LYSMD2: variants seen among roughly 807,000 people sequenced by gnomAD.
LYSMD2 encodes lysM and putative peptidoglycan-binding domain-containing protein 2.
Under a neutral mutation model 17.7 loss-of-function variants are expected in LYSMD2, and 6 were observed. That is an observed-to-expected ratio of 0.34 (90% confidence interval 0.19 to 0.67). The LOEUF (loss-of-function observed/expected upper bound fraction) is 0.67. Among genes scored for constraint, LYSMD2 ranks in the 30% least tolerant of loss-of-function variants. LYSMD2 has a pLI of 0.69. For synonymous variants in LYSMD2, 102 were observed against 129.8 expected (o/e 0.79, Z 1.45); for missense variants, 237 against 286.7 (o/e 0.83, Z 1.25).
chr15:51,743,231 C>T (rs2055651895), intron 1 of LYSMD2, among the ~76,000 whole-genome samples: 1 of 152,170 alleles, frequency 6.6e-6, no homozygotes, highest in Admixed American at 6.5e-5. Context: ...CCACCTCAGT[C>T]TTTTGAGTAG....
At chr15:51,737,708 T>C (rs548838696), upstream of LYSMD2, 104 of 987,986 alleles carry the variant, frequency 1.1e-4, no homozygotes, top group African/African-American at 1.5e-3. This position sits in a 1 kb window ranked among gnomAD's most constrained non-coding sequence, Gnocchi z 4.2. Context: ...CCTCTTCCTC[T>C]TCACAGGGGC....
At chr15:51,750,420 G>T (rs1595856988) in intron 1 of LYSMD2, among the ~76,000 whole-genome samples, 1 of 152,106 alleles carries the variant, frequency 6.6e-6, no homozygotes, top group African/African-American at 2.4e-5. Context: ...TTCACATTTT[G>T]CCTAAAATTT....
chr15:51,729,820 C>T (rs1488327623), intron 1 of LYSMD2, among the ~76,000 whole-genome samples: 1 of 152,208 alleles, frequency 6.6e-6, no homozygotes, highest in Non-Finnish European at 1.5e-5. Flanking sequence ...GGCAATTTCA[C>T]TTCATATAAA....
At chr15:51,739,456 A>G (rs1325813354), upstream of LYSMD2, among the ~76,000 whole-genome samples, 2 of 152,248 alleles carry the variant, frequency 1.3e-5, no homozygotes, top group Admixed American at 6.5e-5. Flanking sequence ...TTTGGGTGGT[A>G]TCCAGTGTGT....
chr15:51,730,337 A>G (rs2055568859), intron 1 of LYSMD2, among the ~76,000 whole-genome samples: 1 of 152,182 alleles, frequency 6.6e-6, no homozygotes, highest in Non-Finnish European at 1.5e-5. Flanking sequence ...ATGAAACTCC[A>G]TCTCTACCAA....
chr15:51,751,027 T>C (rs1261855223), intron 1 of LYSMD2, among the ~76,000 whole-genome samples: 2 of 152,192 alleles, frequency 1.3e-5, no homozygotes, highest in Non-Finnish European at 2.9e-5. Context: ...TCACAACACT[T>C]TTTCAAGCTT....
chr15:51,737,871 C>T (rs890233694), upstream of LYSMD2: 256 of 275,536 alleles, frequency 9.3e-4, 1 homozygote, highest in East Asian at 0.016. This position sits in a 1 kb window ranked among gnomAD's most constrained non-coding sequence, Gnocchi z 4.2. Context: ...CAGCTCCCGC[C>T]GCGGCCTGCC....
At chr15:51,745,476 C>G (rs1036112469) in intron 1 of LYSMD2, among the ~76,000 whole-genome samples, 1 of 152,026 alleles carries the variant, frequency 6.6e-6, no homozygotes. Flanking sequence ...AATATATTAA[C>G]AGAATAAAGG....
chr15:51,732,113 G>A (rs910088093), intron 1 of LYSMD2, among the ~76,000 whole-genome samples: 2 of 152,142 alleles, frequency 1.3e-5, no homozygotes, highest in Admixed American at 6.5e-5. Flanking sequence ...GATGAACACT[G>A]AGCACCAGCA....
intron 1 of LYSMD2, among the ~76,000 whole-genome samples, chr15:51,748,716 C>T (rs1225931448): frequency 6.6e-6 from 1 of 152,204 alleles, no homozygotes; most frequent in Non-Finnish European, 1.5e-5. Context: ...CATGTCCACT[C>T]CTAAACTCTT....
chr15:51,748,261 C>CAAAAAAAAAAAAA lies in LYSMD2; in HGVS notation c.-1+2997_-1+3009dup, dbSNP rs10556304. Among the ~76,000 whole-genome samples the CAAAAAAAAAAAAA allele has an allele frequency of 1.1e-3, 67 of 60,224 alleles. 1 individual carries two copies. The highest frequency in any genetic ancestry group is 2.3e-3 in the East Asian group (4 of 1,758). 39.5% of individuals were successfully genotyped at this position (60,224 alleles called of 152,430 possible). On this transcript the variant is annotated intron_variant, in intron 1 of 2. Transcript: ENST00000454181. ...CTGGTGACAGAACAAGACTCCGTCT[C>CAAAAAAAAAAAAA]AAAAAAAAAAAAAAAAAAAAAAAAA... is the stretch of plus-strand genomic sequence containing the variant.
At chr15:51,735,381 G>A (rs578080423) in intron 1 of LYSMD2, among the ~76,000 whole-genome samples, 24 of 152,192 alleles carry the variant, frequency 1.6e-4, no homozygotes, top group African/African-American at 4.6e-4. Flanking sequence ...GAGAACATCC[G>A]GCAATGCCTG....
chr15:51,737,586 C>T lies in LYSMD2; in HGVS notation c.37G>A (p.Gly13Ser). Residue 13 changes from glycine to serine, a missense_variant, in exon 1 of 3, where the codon GGC (glycine) becomes AGC (serine). Gly to Ser is a moderately conservative substitution (Grantham distance 56). Coordinates refer to ENST00000267838, the MANE Select transcript of LYSMD2 (RefSeq NM_153374.3). This position sits in a 1 kb window ranked among gnomAD's most constrained non-coding sequence, Gnocchi z 4.2. ...GAGGGCCGCGGCGCGCGGGGGCCGC[C>T]TTCCCGCAGGGACAGTGCGGGCGAG... is the stretch of plus-strand genomic sequence containing the variant. ...DSSPALSLRE[G>S]GPRAPRPSAP... 8.2e-7 allele frequency: 1 copy of T among 1,217,830 alleles called. No homozygotes were observed. Among genetic ancestry groups the T allele is most frequent in the Non-Finnish European group, 1.0e-6 (1 of 980,792 alleles). The allele number at this position is 1,217,830 out of a possible 1,614,324, so 75.4% of individuals were successfully genotyped here.
chr15:51,727,193 A>T (rs2055545580), intron 1 of LYSMD2, among the ~76,000 whole-genome samples: 1 of 152,168 alleles, frequency 6.6e-6, no homozygotes, highest in Non-Finnish European at 1.5e-5. Flanking sequence ...CTCCCCTCCC[A>T]ATCCATTCCT....
chr15:51,748,874 G>A (rs1432277700), intron 1 of LYSMD2, among the ~76,000 whole-genome samples: 1 of 152,198 alleles, frequency 6.6e-6, no homozygotes, highest in Non-Finnish European at 1.5e-5. Flanking sequence ...ATGTTTAATA[G>A]ACAACCAACA....
intron 1 of LYSMD2, among the ~76,000 whole-genome samples, chr15:51,743,704 G>T (rs1002754544): frequency 2.6e-5 from 4 of 152,186 alleles, no homozygotes; most frequent in Non-Finnish European, 5.9e-5. Flanking sequence ...AGATCAAATT[G>T]TGAAGAAGTG....
At chr15:51,740,684 A>G (rs374747602), upstream of LYSMD2, among the ~76,000 whole-genome samples, 47 of 152,352 alleles carry the variant, frequency 3.1e-4, no homozygotes, top group African/African-American at 1.1e-3. Flanking sequence ...CATCAATTGC[A>G]TCACTCAATC....
chr15:51,732,174 C>T (rs1167779017), intron 1 of LYSMD2, among the ~76,000 whole-genome samples: 1 of 152,152 alleles, frequency 6.6e-6, no homozygotes, highest in Non-Finnish European at 1.5e-5. Flanking sequence ...CCAAATCTTG[C>T]AGTTCAAGTC....
At chr15:51,726,715 A>G (rs1023925477) in intron 1 of LYSMD2, among the ~76,000 whole-genome samples, 1 of 152,212 alleles carries the variant, frequency 6.6e-6, no homozygotes, top group Non-Finnish European at 1.5e-5. Flanking sequence ...TGAAGACAGA[A>G]CATGCTCAGT....
Sources: gnomAD v4.1 joint callset for allele counts (sites outside exome capture counted in the v4.1 genomes callset) on GRCh38, gnomAD v4.1.1 for gene constraint, Gnocchi (gnomAD v3.1) non-coding constraint, MANE v1.5 for transcripts, NCBI Gene and HGNC (gene_info 2026-07-23, HGNC 2026-07-21) for gene names.